The following TMEM165 variants were observed in gnomAD, a reference collection of about 807,000 sequenced individuals.
TMEM165 encodes the protein transmembrane protein 165, also known as putative divalent cation/proton antiporter TMEM165.
A neutral mutation model predicts 30.0 loss-of-function variants in TMEM165; 19 were observed. That is an observed-to-expected ratio of 0.63 (90% CI 0.44 to 0.93). TMEM165 has a LOEUF of 0.93. TMEM165 is among the 40% of genes least tolerant of loss of function. The pLI is 0.00. For missense variants in TMEM165, 340 were observed against 417.0 expected, an observed-to-expected ratio of 0.82 and a Z score of 1.61; for synonymous variants, 168 against 162.9, an observed-to-expected ratio of 1.03 and a Z score of -0.24.
chr4:55,434,858 A>AT (rs1455919284), intron 3 of TMEM165: 3 of 155,776 alleles, frequency 1.9e-5, no homozygotes, highest in Non-Finnish European at 4.2e-5. Context: ...ACATATACAT[A>AT]TTTTTACATC....
intron 4 of TMEM165, chr4:55,418,197 C>G: frequency 2.3e-6 from 1 of 444,300 alleles, no homozygotes; most frequent in East Asian, 3.7e-5. Flanking sequence ...CAGTTGGGCT[C>G]TTTTTACTCA....
In TMEM165 at chr4:55,446,992, G is replaced by A. The variant is rs552472486; in HGVS notation, c.409-5247G>A. 3.3e-5 allele frequency among the ~76,000 whole-genome samples: 5 copies of A among 151,832 alleles called. No homozygotes were observed. In the East Asian group the frequency reaches 5.8e-4, roughly 18 times the overall value. ...AACCAGACCATATCATATGTTAAAC[G>A]TGGTTGAGAAAATATTAAAAATTTA... On this transcript the variant is annotated intron_variant, in intron 3 of 3. Transcript: ENST00000608091.
downstream of TMEM165, chr4:55,430,759 T>C (rs1345104164): frequency 3.9e-5 from 6 of 152,220 alleles, no homozygotes; most frequent in African/African-American, 1.4e-4. Flanking sequence ...AGATTAGTTC[T>C]GTACATCTAC....
intron 1 of TMEM165, among the ~76,000 whole-genome samples, chr4:55,401,684 T>G (rs1720999595): frequency 6.6e-6 from 1 of 150,574 alleles, no homozygotes; most frequent in African/African-American, 2.5e-5. Flanking sequence ...TCCAGCCTCC[T>G]AATTCTAGCC....
At chr4:55,450,093 G>C in intron 3 of TMEM165, 1 of 1,614,110 alleles carries the variant, frequency 6.2e-7, no homozygotes, top group Non-Finnish European at 8.5e-7. Context: ...GTACTCACAG[G>C]AAGGGTCTGA....
intron 3 of TMEM165, among the ~76,000 whole-genome samples, chr4:55,447,471 A>G (rs1004575998): frequency 1.3e-5 from 2 of 152,258 alleles, no homozygotes; most frequent in African/African-American, 4.8e-5. Context: ...TATAGCACTT[A>G]AAGGATTTCT....
At chr4:55,403,077 A>G (rs1041318360) in intron 1 of TMEM165, among the ~76,000 whole-genome samples, 3 of 152,124 alleles carry the variant, frequency 2.0e-5, no homozygotes, top group Non-Finnish European at 4.4e-5. Flanking sequence ...GGCATGAGCC[A>G]CCACACCCGG....
intron 1 of TMEM165, among the ~76,000 whole-genome samples, chr4:55,400,277 A>AT (rs1560385886): frequency 8.8e-5 from 9 of 102,568 alleles, no homozygotes; most frequent in African/African-American, 3.1e-4. Flanking sequence ...TATATAATAT[A>AT]ATATTATATA....
downstream of TMEM165, chr4:55,430,058 AG>A (rs1722400572): frequency 6.6e-6 from 1 of 152,250 alleles, no homozygotes; most frequent in Admixed American, 6.5e-5. Flanking sequence ...CAGAACACAC[AG>A]GTATTTTAAA....
intron 1 of TMEM165, among the ~76,000 whole-genome samples, chr4:55,404,961 G>A (rs146075201): frequency 1.2e-4 from 18 of 152,184 alleles, no homozygotes; most frequent in Non-Finnish European, 2.2e-4. Context: ...AAAATATCTC[G>A]CATCTAGTTA....
At chr4:55,408,807 G>A (rs936946812) in intron 1 of TMEM165, among the ~76,000 whole-genome samples, 6 of 151,936 alleles carry the variant, frequency 3.9e-5, no homozygotes, top group Non-Finnish European at 5.9e-5. Context: ...CATAAATGGT[G>A]TATATTTATT....
intron 3 of TMEM165, among the ~76,000 whole-genome samples, chr4:55,439,005 A>G (rs1013290155): frequency 1.3e-5 from 2 of 152,250 alleles, no homozygotes; most frequent in African/African-American, 4.8e-5. Flanking sequence ...ATAAACAGAT[A>G]AACTGGACTG....
At chr4:55,423,081 T>G (rs1165319338) in intron 4 of TMEM165, 1 of 151,902 alleles carries the variant, frequency 6.6e-6, no homozygotes, top group Non-Finnish European at 1.5e-5. Context: ...TAGCTGGAAC[T>G]ACATGCATGA....
At chr4:55,445,644 G>A (rs965236991) in intron 3 of TMEM165, among the ~76,000 whole-genome samples, 2 of 125,700 alleles carry the variant, frequency 1.6e-5, no homozygotes, top group African/African-American at 6.0e-5. Flanking sequence ...AGGCTGGAAA[G>A]CAGTGGTGCG....
At chr4:55,427,072 C>T (rs561870882), downstream of TMEM165, among the ~76,000 whole-genome samples, 26 of 144,022 alleles carry the variant, frequency 1.8e-4, no homozygotes, top group South Asian at 4.4e-4. Flanking sequence ...CTCACTCTGT[C>T]GCCCAGGCTG....
intron 4 of TMEM165, among the ~76,000 whole-genome samples, chr4:55,422,528 G>T (rs1382595910): frequency 6.6e-6 from 1 of 152,026 alleles, no homozygotes; most frequent in African/African-American, 2.4e-5. Flanking sequence ...AAAGTGGTGA[G>T]ATTACATGTG....
At chr4:55,448,738 T>C (rs377541838) in intron 3 of TMEM165, 6 of 1,507,282 alleles carry the variant, frequency 4.0e-6, no homozygotes, top group Non-Finnish European at 4.6e-6. Context: ...AAGCAATTTA[T>C]CATATTCAAA....
chr4:55,438,621 A>G, intron 3 of TMEM165: 1 of 1,597,060 alleles, frequency 6.3e-7, no homozygotes, highest in South Asian at 1.1e-5. Flanking sequence ...TACTTACCTA[A>G]GATAATACCC....
chr4:55,417,791 T>C lies in TMEM165; in HGVS notation c.610-12T>C, dbSNP rs562257311. The C allele has an allele frequency of 1.3e-6, 2 of 1,580,226 alleles. No individual in the cohort carries two copies. Among genetic ancestry groups the C allele is most frequent in the East Asian group, 2.3e-5 (1 of 44,288 alleles). Reference sequence around the variant, plus strand: ...CCTGTGCTTACTTTCATTTGTTTATTATTTATTTTAGTTTCAACGAACCAA... The same window carrying C: ...CCTGTGCTTACTTTCATTTGTTTATCATTTATTTTAGTTTCAACGAACCAA... On this transcript the variant is annotated splice_polypyrimidine_tract_variant and intron_variant, in intron 3 of 5. Transcript: ENST00000381334.
Sources: gnomAD v4.1 joint callset for allele counts (sites outside exome capture counted in the v4.1 genomes callset) on GRCh38, gnomAD v4.1.1 for gene constraint, MANE v1.5 for transcripts, NCBI Gene and HGNC (gene_info 2026-07-23, HGNC 2026-07-21) for gene names.